SLC8A1: variants seen among roughly 807,000 people sequenced by gnomAD.
The protein encoded by SLC8A1 is solute carrier family 8 member A1, also known as sodium/calcium exchanger 1.
In SLC8A1, 18 loss-of-function variants were observed where a neutral mutation model predicts 68.3. The ratio of observed to expected loss-of-function variants is 0.26; its 90% CI spans 0.18 to 0.39. SLC8A1 has a LOEUF of 0.39. Among genes scored for constraint, SLC8A1 ranks in the 10% least tolerant of loss-of-function variants. The pLI, the probability that SLC8A1 is intolerant of heterozygous loss-of-function variation, is 1.00. For synonymous variants in SLC8A1, 475 were observed against 415.5 expected (o/e 1.14, Z -1.74); for missense variants, 985 against 1,156.7 (o/e 0.85, Z 2.15).
intron 2 of SLC8A1, among the ~76,000 whole-genome samples, chr2:40,281,457 G>A (rs2067509107): frequency 6.6e-6 from 1 of 152,196 alleles, no homozygotes; most frequent in Non-Finnish European, 1.5e-5. Flanking sequence ...ACTCTATGCA[G>A]GCTATGTGCC....
At chr2:40,263,395 G>A (rs570593764) in intron 2 of SLC8A1, among the ~76,000 whole-genome samples, 1 of 152,264 alleles carries the variant, frequency 6.6e-6, no homozygotes, top group Non-Finnish European at 1.5e-5. Flanking sequence ...ACATTGCCAA[G>A]TCAACCCCAA....
intron 1 of SLC8A1, among the ~76,000 whole-genome samples, chr2:40,489,187 G>A (rs898265432): frequency 6.6e-6 from 1 of 152,078 alleles, no homozygotes; most frequent in Non-Finnish European, 1.5e-5. Context: ...CCTGCCTAAG[G>A]TGACACATCG....
chr2:40,196,282 C>A (rs2053001074), intron 2 of SLC8A1, among the ~76,000 whole-genome samples: 3 of 151,886 alleles, frequency 2.0e-5, no homozygotes, highest in South Asian at 4.2e-4. Flanking sequence ...ATGGTAGGGG[C>A]AGTTGTAGTG....
At chr2:40,333,564 G>C (rs2076659658) in intron 2 of SLC8A1, among the ~76,000 whole-genome samples, 1 of 151,466 alleles carries the variant, frequency 6.6e-6, no homozygotes, top group South Asian at 2.1e-4. Flanking sequence ...TTTTATTCAA[G>C]ACCTAGGTAT....
intron 2 of SLC8A1, among the ~76,000 whole-genome samples, chr2:40,349,798 T>C (rs926700250): frequency 1.3e-5 from 2 of 152,120 alleles, no homozygotes; most frequent in Admixed American, 1.3e-4. Flanking sequence ...ATTAGAATTA[T>C]ACATAATTCT....
At chr2:40,267,944 C>A (rs575957376) in intron 2 of SLC8A1, among the ~76,000 whole-genome samples, 1 of 152,186 alleles carries the variant, frequency 6.6e-6, no homozygotes, top group South Asian at 2.1e-4. Context: ...TTGCTGACAG[C>A]CACCCTTTTC....
chr2:40,421,928 T>A (rs1026559390), intron 2 of SLC8A1, among the ~76,000 whole-genome samples: 3 of 152,266 alleles, frequency 2.0e-5, no homozygotes, highest in African/African-American at 7.2e-5. Context: ...GGAGGAGATT[T>A]CCTCTAATGC....
intron 2 of SLC8A1, among the ~76,000 whole-genome samples, chr2:40,204,054 T>C (rs998380593): frequency 1.3e-5 from 2 of 151,892 alleles, no homozygotes; most frequent in African/African-American, 4.8e-5. Flanking sequence ...CACATTTAAG[T>C]GAGGAAGAAA....
intron 1 of SLC8A1, among the ~76,000 whole-genome samples, chr2:40,497,434 A>G (rs1055073947): frequency 2.0e-5 from 3 of 152,042 alleles, no homozygotes; most frequent in African/African-American, 4.8e-5. Context: ...CATGTTGACA[A>G]TATTAAGTAC....
intron 2 of SLC8A1, among the ~76,000 whole-genome samples, chr2:40,184,752 G>A (rs1010802570): frequency 6.6e-6 from 1 of 152,042 alleles, no homozygotes; most frequent in Non-Finnish European, 1.5e-5. Flanking sequence ...CCAGACTCCA[G>A]AAAGACCTGA....
At chr2:40,505,220 G>A (rs553210361) in intron 1 of SLC8A1, among the ~76,000 whole-genome samples, 1 of 151,960 alleles carries the variant, frequency 6.6e-6, no homozygotes, top group East Asian at 1.9e-4. Context: ...GGGGATGTGG[G>A]GAAGGCTAAT....
At chr2:40,177,917 G>A in intron 2 of SLC8A1, 3 of 1,076,072 alleles carry the variant, frequency 2.8e-6, no homozygotes, top group Non-Finnish European at 4.2e-6. Context: ...TGCTCTTGGT[G>A]TCCACCAAGC....
intron 2 of SLC8A1, among the ~76,000 whole-genome samples, chr2:40,370,177 T>C (rs1323299688): frequency 6.6e-6 from 1 of 152,158 alleles, no homozygotes; most frequent in Non-Finnish European, 1.5e-5. Flanking sequence ...TTCTGTACGC[T>C]TGTTGGTGAG....
intron 1 of SLC8A1, among the ~76,000 whole-genome samples, chr2:40,432,701 A>G (rs1028687388): frequency 6.6e-6 from 1 of 151,948 alleles, no homozygotes; most frequent in Non-Finnish European, 1.5e-5. Flanking sequence ...CTGAATTGCC[A>G]TAAGGCATGG....
intron 2 of SLC8A1, among the ~76,000 whole-genome samples, chr2:40,236,791 G>T (rs1236618873): frequency 1.3e-5 from 2 of 151,464 alleles, no homozygotes; most frequent in Non-Finnish European, 3.0e-5. Context: ...TTTAGGGCAG[G>T]CCTGGTGGTG....
At chr2:40,495,825 T>C (rs1705658905) in intron 1 of SLC8A1, among the ~76,000 whole-genome samples, 1 of 152,040 alleles carries the variant, frequency 6.6e-6, no homozygotes, top group Non-Finnish European at 1.5e-5. Context: ...CTCCAGGCAC[T>C]GAAAGTGACC....
chr2:40,292,845 A>G (rs370563877), intron 2 of SLC8A1, among the ~76,000 whole-genome samples: 9 of 152,232 alleles, frequency 5.9e-5, no homozygotes, highest in Admixed American at 2.0e-4. Flanking sequence ...CTCTTACCAA[A>G]CTCTGTAATA....
At chr2:40,424,880 A>G (rs1294862148) in intron 2 of SLC8A1, among the ~76,000 whole-genome samples, 2 of 151,876 alleles carry the variant, frequency 1.3e-5, no homozygotes, top group African/African-American at 4.8e-5. Flanking sequence ...ATTTTTCCAA[A>G]ACAGTTAAGC....
chr2:40,500,606 C>G (rs759028199), intron 1 of SLC8A1, among the ~76,000 whole-genome samples: 1 of 151,932 alleles, frequency 6.6e-6, no homozygotes, highest in Non-Finnish European at 1.5e-5. Flanking sequence ...ACTAAGTATT[C>G]ATTTATTCTT....
Sources: allele counts gnomAD v4.1 joint callset (sites outside exome capture counted in the v4.1 genomes callset), GRCh38; gene constraint gnomAD v4.1.1; transcripts MANE v1.5; gene names NCBI Gene and HGNC (gene_info 2026-07-23, HGNC 2026-07-21).